TGFB1: variants seen among roughly 807,000 people sequenced by gnomAD.
The protein encoded by TGFB1 is transforming growth factor beta-1 proprotein.
Under a neutral mutation model 43.8 loss-of-function variants are expected in TGFB1, and 19 were observed. The ratio of observed to expected loss-of-function variants is 0.43; its 90% CI spans 0.30 to 0.64. TGFB1 has a LOEUF of 0.64. TGFB1 is among the 30% of genes least tolerant of loss of function. TGFB1 has a pLI of 0.11. For missense variants in TGFB1, 445 were observed against 529.8 expected (o/e 0.84, Z 1.57); for synonymous variants, 221 against 236.3 (o/e 0.94, Z 0.60).
intron 1 of TGFB1, among the ~76,000 whole-genome samples, chr19:41,350,609 A>G (rs530445189): frequency 1.3e-5 from 2 of 152,304 alleles, no homozygotes; most frequent in Admixed American, 1.3e-4. Flanking sequence ...CGCCCAGCCA[A>G]GGTATTTTCT....
intron 5 of TGFB1, among the ~76,000 whole-genome samples, chr19:41,338,355 A>G (rs771355117): frequency 3.7e-4 from 56 of 151,036 alleles, no homozygotes; most frequent in Non-Finnish European, 6.6e-4. Flanking sequence ...TTAGCCGGGC[A>G]TGGTGGCAGG....
chr19:41,347,915 C>T (rs943176682), intron 2 of TGFB1, among the ~76,000 whole-genome samples: 5 of 150,922 alleles, frequency 3.3e-5, no homozygotes, highest in East Asian at 3.9e-4. Flanking sequence ...AGGTGGATCA[C>T]GAGGTCAGGA....
chr19:41,352,343 A>ACCCCCCCCCCCCCCC (rs11307639), intron 1 of TGFB1, among the ~76,000 whole-genome samples: 1 of 83,502 alleles, frequency 1.2e-5, no homozygotes, highest in Non-Finnish European at 2.3e-5. Context: ...GCACCCCACG[A>ACCCCCCCCCCCCCCC]CCCCCCCCCC....
intron 1 of TGFB1, among the ~76,000 whole-genome samples, chr19:41,350,497 C>T (rs2038175241): frequency 6.6e-6 from 1 of 151,788 alleles, no homozygotes; most frequent in South Asian, 2.1e-4. Context: ...TAGTAGAGAC[C>T]GGGTTTCACC....
chr19:41,352,577 G>T (rs1057470293), intron 1 of TGFB1, 113 bp downstream of exon 1: 7 of 1,285,546 alleles, frequency 5.4e-6, no homozygotes, highest in Non-Finnish European at 7.6e-6. Context: ...TTGCCCCGGG[G>T]TGTCCTCTTC....
At chr19:41,348,184 C>T in intron 2 of TGFB1, 111 bp downstream of exon 2, 1 of 1,229,176 alleles carries the variant, frequency 8.1e-7, no homozygotes, top group Non-Finnish European at 1.2e-6. Context: ...TTCTATCCTT[C>T]AGGGACCATC....
chr19:41,334,424 CTTTTTTTTT>C (rs750640294), intron 5 of TGFB1, among the ~76,000 whole-genome samples: 1 of 116,972 alleles, frequency 8.5e-6, no homozygotes, highest in South Asian at 3.0e-4. Flanking sequence ...TTGACAATGC[CTTTTTTTTT>C]TTTTTTTTTT....
At chr19:41,336,733 T>G (rs2037992519) in intron 5 of TGFB1, among the ~76,000 whole-genome samples, 1 of 152,164 alleles carries the variant, frequency 6.6e-6, no homozygotes, top group African/African-American at 2.4e-5. Context: ...CCGTGTTGCT[T>G]CATCCATAAA....
At chr19:41,339,433 T>A (rs557944458) in intron 5 of TGFB1, among the ~76,000 whole-genome samples, 1 of 152,144 alleles carries the variant, frequency 6.6e-6, no homozygotes, top group South Asian at 2.1e-4. Context: ...GGTTTGATTT[T>A]TTGCCAAGAC....
intron 1 of TGFB1, 53 bp downstream of exon 1, chr19:41,352,637 T>G: frequency 6.3e-7 from 1 of 1,597,712 alleles, no homozygotes; most frequent in South Asian, 1.1e-5. Context: ...GCCCCGGCAC[T>G]CCGGCGCCCC....
rs772095480 is a variant in TGFB1, at chr19:41,352,847, C to T, written c.198G>A (p.Gly66=). The T allele has an allele frequency of 5.7e-6, 9 of 1,570,472 alleles. No individual in the cohort carries two copies. Among genetic ancestry groups the T allele is most frequent in the Non-Finnish European group, 7.8e-6 (9 of 1,160,272 alleles). ...KLRLASPPSQ[G]EVPPGPLPEA... ...CGGGCAGCGGGCCGGGCGGCACCTC[C>T]CCCTGGCTCGGGGGGCTGGCGAGCC... Residue 66 remains glycine, a synonymous_variant, in exon 1 of 7, where the codon GGG becomes GGA. Coordinates refer to ENST00000221930, the MANE Select transcript of TGFB1 (RefSeq NM_000660.7).
intron 1 of TGFB1, among the ~76,000 whole-genome samples, chr19:41,350,684 C>A (rs1199143587): frequency 6.6e-6 from 1 of 152,182 alleles, no homozygotes; most frequent in African/African-American, 2.4e-5. Flanking sequence ...TCAACTGGGG[C>A]AACTGCTTCC....
rs926119632 is a variant in TGFB1, at chr19:41,330,338, C to G, written c.*714G>C. ...TCAGGGCTCACTGCAGCCTTGACCT[C>G]CCAGGATCAAGTGATCCTCCCACCT... On this transcript the variant is annotated 3_prime_UTR_variant, in exon 7 of 7. Coordinates refer to ENST00000221930, the MANE Select transcript of TGFB1 (RefSeq NM_000660.7). 3 of 152,112 alleles carry G rather than the reference C, an allele frequency of 2.0e-5. No individual in the cohort carries two copies. The highest frequency in any genetic ancestry group is 7.2e-5 in the African/African-American group (3 of 41,416). 9.4% of individuals were successfully genotyped at this position (152,112 alleles called of 1,614,324 possible).
intron 5 of TGFB1, among the ~76,000 whole-genome samples, chr19:41,341,501 T>G (rs2123097460): frequency 1.6e-5 from 2 of 122,914 alleles, no homozygotes; most frequent in Admixed American, 9.0e-5. Context: ...AGGAACCTGA[T>G]CCCAACATTA....
rs200179008 is a variant in TGFB1, at chr19:41,330,954, G to A, written c.*98C>T. ...TAATGGGGCCCCAGGTGGGCTTGGG[G>A]CACGGGTGTCCTTAAATACAGCCCC... On this transcript the variant is annotated 3_prime_UTR_variant, in exon 7 of 7. Coordinates refer to ENST00000221930, the MANE Select transcript of TGFB1 (RefSeq NM_000660.7). 8.4e-7 allele frequency: 1 copy of A among 1,193,932 alleles called. No individual in the cohort carries two copies. The highest frequency in any genetic ancestry group is 1.1e-6 in the Non-Finnish European group (1 of 895,950). The allele number at this position is 1,193,932 out of a possible 1,614,324, so 74.0% of individuals were successfully genotyped here.
At chr19:41,337,556 T>C (rs11466345) in intron 5 of TGFB1, among the ~76,000 whole-genome samples, 18,433 of 152,034 alleles carry the variant, frequency 0.12, 1,294 homozygotes, top group East Asian at 0.27. Context: ...GGATTACGGG[T>C]GTGAGCTACC....
At chr19:41,348,064 G>A (rs569636415) in intron 2 of TGFB1, among the ~76,000 whole-genome samples, 26 of 152,000 alleles carry the variant, frequency 1.7e-4, no homozygotes, top group African/African-American at 4.1e-4. Context: ...CCCAGGAGGC[G>A]GAGATTGCAG....
At chr19:41,343,174 G>A (rs1391244301) in intron 3 of TGFB1, among the ~76,000 whole-genome samples, 2 of 142,520 alleles carry the variant, frequency 1.4e-5, no homozygotes, top group African/African-American at 2.6e-5. Context: ...CACTGTTGTT[G>A]CCCAGGCTGG....
chr19:41,351,233 G>C (rs142560157), intron 1 of TGFB1: 2 of 152,508 alleles, frequency 1.3e-5, no homozygotes, highest in East Asian at 3.9e-4. Context: ...CGGAGTGCGC[G>C]TCATTGGGCT....
Sources: gnomAD v4.1 joint callset for allele counts (sites outside exome capture counted in the v4.1 genomes callset) on GRCh38, gnomAD v4.1.1 for gene constraint, MANE v1.5 for transcripts, NCBI Gene and HGNC (gene_info 2026-07-23, HGNC 2026-07-21) for gene names.